The following GPC6 variants were observed in gnomAD, a reference collection of about 807,000 sequenced individuals.
GPC6 encodes glypican-6.
A neutral mutation model predicts 55.2 loss-of-function variants in GPC6; 14 were observed. The observed-to-expected ratio is 0.25, with a 90% CI of 0.17 to 0.40. The LOEUF is 0.40. Ranked by LOEUF, GPC6 falls within the 10% of genes least tolerant of loss-of-function variation. The probability of loss-of-function intolerance (pLI) is 1.00; values close to 1 mark genes in which losing one functional copy is unlikely to be tolerated. For synonymous variants in GPC6, 278 were observed against 259.6 expected, an observed-to-expected ratio of 1.07 and a Z score of -0.68; for missense variants, 641 against 708.5, an observed-to-expected ratio of 0.90 and a Z score of 1.08.
intron 2 of GPC6, among the ~76,000 whole-genome samples, chr13:93,627,344 T>C (rs989055251): frequency 2.6e-5 from 4 of 152,156 alleles, no homozygotes; most frequent in Admixed American, 6.5e-5. Context: ...CATCCTTTTT[T>C]ATGGCTGCGT....
At chr13:94,338,917 C>T (rs1877870818) in intron 6 of GPC6, among the ~76,000 whole-genome samples, 1 of 152,048 alleles carries the variant, frequency 6.6e-6, no homozygotes, top group African/African-American at 2.4e-5. Context: ...TTGCCATTGC[C>T]CATAGCTGGA....
intron 4 of GPC6, among the ~76,000 whole-genome samples, chr13:94,202,315 C>A (rs922751908): frequency 2.0e-5 from 3 of 152,128 alleles, no homozygotes; most frequent in African/African-American, 4.8e-5. Flanking sequence ...TGTTCTCATG[C>A]TGCTGATAAA....
At chr13:93,289,727 T>C (rs1555287983) in intron 1 of GPC6, among the ~76,000 whole-genome samples, 1 of 150,996 alleles carries the variant, frequency 6.6e-6, no homozygotes, top group Non-Finnish European at 1.5e-5. Context: ...TTTTGAGCCG[T>C]TTGAGATGTA....
At chr13:94,102,274 G>A (rs1885892315) in intron 4 of GPC6, among the ~76,000 whole-genome samples, 1 of 152,104 alleles carries the variant, frequency 6.6e-6, no homozygotes, top group African/African-American at 2.4e-5. Flanking sequence ...TGTTTAGGTA[G>A]GAAGAATACA....
At chr13:93,785,822 C>T (rs1267968633) in intron 2 of GPC6, among the ~76,000 whole-genome samples, 2 of 151,928 alleles carry the variant, frequency 1.3e-5, no homozygotes, top group Non-Finnish European at 2.9e-5. Flanking sequence ...ATTAGCCAGG[C>T]AGAGTGGGGT....
intron 1 of GPC6, among the ~76,000 whole-genome samples, chr13:93,379,597 A>C (rs1213920046): frequency 6.6e-6 from 1 of 152,144 alleles, no homozygotes; most frequent in East Asian, 1.9e-4. Flanking sequence ...GAGAACCTAG[A>C]ATTCAGTCTT....
intron 4 of GPC6, among the ~76,000 whole-genome samples, chr13:94,259,209 A>C (rs9561521): frequency 0.03 from 4,576 of 152,302 alleles, 211 homozygotes; most frequent in East Asian, 0.21. Context: ...AGCCCCGAGC[A>C]AACATTACTT....
intron 1 of GPC6, among the ~76,000 whole-genome samples, chr13:93,384,384 G>T (rs1020188571): frequency 2.8e-5 from 4 of 143,462 alleles, no homozygotes; most frequent in East Asian, 2.0e-4. Context: ...CCTGAAAACC[G>T]TTTTTTTTTT....
chr13:94,398,895 A>T (rs571769062), intron 8 of GPC6, among the ~76,000 whole-genome samples: 3 of 152,320 alleles, frequency 2.0e-5, no homozygotes, highest in Non-Finnish European at 4.4e-5. Context: ...GCTGAAATTG[A>T]GTTTCATCTA....
At chr13:93,314,567 C>A (rs1488840744) in intron 1 of GPC6, among the ~76,000 whole-genome samples, 1 of 152,084 alleles carries the variant, frequency 6.6e-6, no homozygotes, top group Non-Finnish European at 1.5e-5. Flanking sequence ...GTATGAGAAT[C>A]GGACTGGGAT....
chr13:94,031,076 G>A (rs565921134), intron 4 of GPC6, among the ~76,000 whole-genome samples: 1 of 148,404 alleles, frequency 6.7e-6, no homozygotes, highest in Non-Finnish European at 1.5e-5. Flanking sequence ...GTGCGTGTGC[G>A]TGTGCGTGTG....
At chr13:93,521,481 C>T (rs889691927) in intron 1 of GPC6, among the ~76,000 whole-genome samples, 1 of 151,892 alleles carries the variant, frequency 6.6e-6, no homozygotes, top group Non-Finnish European at 1.5e-5. Flanking sequence ...ACTTACTTGT[C>T]TTATGTTGGC....
At chr13:94,183,051 T>A (rs1241626546) in intron 4 of GPC6, among the ~76,000 whole-genome samples, 2 of 152,338 alleles carry the variant, frequency 1.3e-5, no homozygotes, top group Middle Eastern at 3.4e-3. Flanking sequence ...GTACTGAGAT[T>A]ATAGGCGTGA....
chr13:93,591,757 T>C (rs1023884360), intron 2 of GPC6, among the ~76,000 whole-genome samples: 2 of 152,190 alleles, frequency 1.3e-5, no homozygotes, highest in African/African-American at 4.8e-5. Context: ...ATATTTCCTC[T>C]ATATGAGATC....
chr13:93,609,048 C>A (rs184266129), intron 2 of GPC6, among the ~76,000 whole-genome samples: 1 of 152,242 alleles, frequency 6.6e-6, no homozygotes, highest in African/African-American at 2.4e-5. Context: ...CAAACTAAAG[C>A]GTAATCCTAG....
intron 5 of GPC6, among the ~76,000 whole-genome samples, chr13:94,297,492 ACTC>A (rs1875408412): frequency 6.6e-6 from 1 of 151,862 alleles, no homozygotes; most frequent in African/African-American, 2.4e-5. Flanking sequence ...GTTCCTTGTA[ACTC>A]CTCCTTCCTC....
At chr13:93,972,105 A>G (rs575645792) in intron 3 of GPC6, among the ~76,000 whole-genome samples, 52 of 152,304 alleles carry the variant, frequency 3.4e-4, no homozygotes, top group African/African-American at 1.2e-3. Flanking sequence ...AAATGAAGCC[A>G]CAAAGGCTTG....
chr13:93,952,216 T>C (rs1357047381), intron 3 of GPC6, among the ~76,000 whole-genome samples: 1 of 152,110 alleles, frequency 6.6e-6, no homozygotes, highest in Non-Finnish European at 1.5e-5. Flanking sequence ...ATAGAACTTA[T>C]TGAAATCAGG....
chr13:93,586,491 C>A (rs1218257316), intron 2 of GPC6, among the ~76,000 whole-genome samples: 3 of 152,096 alleles, frequency 2.0e-5, no homozygotes, highest in Non-Finnish European at 4.4e-5. Context: ...TTTGACAAAC[C>A]TGACAAAAAC....
Sources: allele counts gnomAD v4.1 joint callset (sites outside exome capture counted in the v4.1 genomes callset), GRCh38; gene constraint gnomAD v4.1.1; transcripts MANE v1.5; gene names NCBI Gene and HGNC (gene_info 2026-07-23, HGNC 2026-07-21).